Variants in WNT9B observed in about 807,000 individuals in gnomAD.
WNT9B encodes the protein Wnt family member 9B.
A neutral mutation model predicts 30.2 loss-of-function variants in WNT9B; 12 were observed. The observed-to-expected ratio is 0.40, with a 90% CI of 0.26 to 0.64. WNT9B has a LOEUF of 0.64. WNT9B is among the 30% of genes least tolerant of loss of function. The probability of loss-of-function intolerance (pLI) is 0.42; values close to 1 mark genes in which losing one functional copy is unlikely to be tolerated. For synonymous variants in WNT9B, 218 were observed against 216.9 expected (o/e 1.01, Z -0.05); for missense variants, 442 against 485.2 (o/e 0.91, Z 0.84).
chr17:46,865,054 G>T (rs1274708933), intron 1 of WNT9B, among the ~76,000 whole-genome samples: 1 of 152,190 alleles, frequency 6.6e-6, no homozygotes, highest in Admixed American at 6.5e-5. Context: ...TTGCAGGAAT[G>T]ACTTTGGGGA....
At chr17:46,863,495 C>T (rs2085077884) in intron 1 of WNT9B, among the ~76,000 whole-genome samples, 1 of 152,028 alleles carries the variant, frequency 6.6e-6, no homozygotes, top group South Asian at 2.1e-4. Context: ...ACTGATGGTA[C>T]TATATATACA....
chr17:46,855,225 G>A (rs145664850), intron 1 of WNT9B, among the ~76,000 whole-genome samples: 6 of 152,216 alleles, frequency 3.9e-5, no homozygotes, highest in South Asian at 4.1e-4. Context: ...GAGGCCGAAG[G>A]GGGTGAGGGT....
rs568662208 is a variant in WNT9B, at chr17:46,869,736, C to T, written c.78-2781C>T. 3.9e-5 allele frequency among the ~76,000 whole-genome samples: 6 copies of T among 152,286 alleles called. No homozygotes were observed. In the South Asian group the frequency reaches 6.2e-4, roughly 16 times the overall value. On this transcript the variant is annotated intron_variant, in intron 1 of 3. Transcript: ENST00000290015. Reference sequence around the variant, plus strand: ...AGCTTGGGCAGGGTGCAGTGGCTCACGTCTGTAATTCCAGCACTCTGGGAG... The same window carrying T: ...AGCTTGGGCAGGGTGCAGTGGCTCATGTCTGTAATTCCAGCACTCTGGGAG...
intron 1 of WNT9B, among the ~76,000 whole-genome samples, chr17:46,853,808 G>C (rs2084895349): frequency 6.6e-6 from 1 of 152,138 alleles, no homozygotes; most frequent in African/African-American, 2.4e-5. Flanking sequence ...TCATTTGTTT[G>C]CTTGGTTTTT....
At chr17:46,845,683 T>C (rs1404245255) in intron 1 of WNT9B, among the ~76,000 whole-genome samples, 1 of 151,276 alleles carries the variant, frequency 6.6e-6, no homozygotes, top group East Asian at 1.9e-4. Flanking sequence ...TAGAGATGGG[T>C]TTCACCATCT....
At chr17:46,882,352 G>C (rs1701398772), downstream of WNT9B, among the ~76,000 whole-genome samples, 1 of 152,170 alleles carries the variant, frequency 6.6e-6, no homozygotes, top group Admixed American at 6.5e-5. Flanking sequence ...TCTCAACTGA[G>C]ATTTGCCTGA....
chr17:46,836,000 T>C (rs1280524362), intron 1 of WNT9B, among the ~76,000 whole-genome samples: 3 of 152,070 alleles, frequency 2.0e-5, no homozygotes, highest in African/African-American at 7.2e-5. Context: ...TTAAAGTTAT[T>C]GTGCCCACAC....
chr17:46,863,159 A>G (rs982903677), intron 1 of WNT9B, among the ~76,000 whole-genome samples: 2 of 152,202 alleles, frequency 1.3e-5, no homozygotes, highest in Non-Finnish European at 2.9e-5. Flanking sequence ...GCCCTCCCAA[A>G]GCCCGCCCAG....
intron 1 of WNT9B, among the ~76,000 whole-genome samples, chr17:46,839,948 CT>C (rs1176757215): frequency 8.1e-5 from 12 of 148,716 alleles, no homozygotes; most frequent in Non-Finnish European, 1.0e-4. Context: ...TTCTTTCTTT[CT>C]TTCTTTCTTT....
intron 1 of WNT9B, among the ~76,000 whole-genome samples, chr17:46,856,913 A>G (rs1419528195): frequency 6.6e-6 from 1 of 152,202 alleles, no homozygotes; most frequent in East Asian, 1.9e-4. Flanking sequence ...TCCTCTTTGC[A>G]ATCAACCCTC....
upstream of WNT9B, among the ~76,000 whole-genome samples, chr17:46,851,077 TCTGCACCAGGACCCGGCC>T (rs2084835774): frequency 6.6e-6 from 1 of 152,192 alleles, no homozygotes; most frequent in African/African-American, 2.4e-5. The surrounding 1 kb of genome is among the most constrained non-coding windows in gnomAD (Gnocchi z 4.3). Flanking sequence ...AGAGAGCGGT[TCTGCACCAGGACCCGGCC>T]CTGCCCTGAG....
At chr17:46,847,721 T>C (rs1219417361), upstream of WNT9B, among the ~76,000 whole-genome samples, 1 of 152,178 alleles carries the variant, frequency 6.6e-6, no homozygotes, top group Non-Finnish European at 1.5e-5. Flanking sequence ...CCAGAGTTCA[T>C]TTCCAGTGCA....
intron 2 of WNT9B, among the ~76,000 whole-genome samples, chr17:46,874,142 G>A (rs2085303334): frequency 6.6e-6 from 1 of 152,166 alleles, no homozygotes; most frequent in Admixed American, 6.5e-5. Context: ...AGGGCAGGCA[G>A]GAAGTAGTGA....
chr17:46,845,394 C>T (rs1222724458), intron 1 of WNT9B, among the ~76,000 whole-genome samples: 3 of 151,864 alleles, frequency 2.0e-5, no homozygotes, highest in South Asian at 2.1e-4. Context: ...GTTATATTCA[C>T]GGTGAGCCCA....
At chr17:46,842,009 T>G (rs1027488332) in intron 1 of WNT9B, among the ~76,000 whole-genome samples, 1 of 152,158 alleles carries the variant, frequency 6.6e-6, no homozygotes, top group Non-Finnish European at 1.5e-5. Context: ...TGCAGAAGGC[T>G]GGCCGCGGTG....
chr17:46,844,984 A>T (rs2084758552), intron 1 of WNT9B, among the ~76,000 whole-genome samples: 1 of 152,154 alleles, frequency 6.6e-6, no homozygotes, highest in Non-Finnish European at 1.5e-5. Context: ...AGTAGCTGGG[A>T]CTACCGGCAT....
chr17:46,866,881 T>G lies in WNT9B; in HGVS notation c.78-5636T>G, dbSNP rs569137957. Among the ~76,000 whole-genome samples, 11 of 152,256 alleles carry G rather than the reference T, an allele frequency of 7.2e-5. No individual in the cohort carries two copies. In the East Asian group the frequency reaches 2.1e-3, roughly 29 times the overall value. ...TGGGAGTAGGTGGAAGAACAGGGCTTGGGGTCCTCTTAGGTGATGAGAAAA... is the reference window on the plus strand; with the variant it reads ...TGGGAGTAGGTGGAAGAACAGGGCTGGGGGTCCTCTTAGGTGATGAGAAAA... On this transcript the variant is annotated intron_variant, in intron 1 of 3. Coordinates refer to ENST00000290015, the MANE Select transcript of WNT9B (RefSeq NM_003396.3).
downstream of WNT9B, among the ~76,000 whole-genome samples, chr17:46,883,273 C>T (rs559124892): frequency 1.7e-3 from 249 of 146,680 alleles, no homozygotes; most frequent in African/African-American, 5.8e-3. Context: ...TGAGCTACTG[C>T]GCCCGGCCTT....
intron 1 of WNT9B, among the ~76,000 whole-genome samples, chr17:46,837,041 C>T (rs1308467078): frequency 6.6e-6 from 1 of 152,096 alleles, no homozygotes; most frequent in East Asian, 1.9e-4. Flanking sequence ...CTCCCAGGTT[C>T]AAGCAATTCT....
Sources: allele counts gnomAD v4.1 joint callset (sites outside exome capture counted in the v4.1 genomes callset), GRCh38; gene constraint gnomAD v4.1.1; non-coding constraint Gnocchi (gnomAD v3.1); transcripts MANE v1.5; gene names NCBI Gene and HGNC (gene_info 2026-07-23, HGNC 2026-07-21).